The following ADGRD2 variants were observed in gnomAD, a reference collection of about 807,000 sequenced individuals.
The protein encoded by ADGRD2 is G protein-coupled receptor PGR24.
In ADGRD2, 71 loss-of-function variants were observed where a neutral mutation model predicts 44.4. The ratio of observed to expected loss-of-function variants is 1.60; its 90% CI spans 1.32 to 1.95. The LOEUF (loss-of-function observed/expected upper bound fraction) is 1.95. Among genes scored for constraint, ADGRD2 ranks in the 30% most tolerant of loss-of-function variants. ADGRD2 has a pLI of 0.00. For synonymous variants in ADGRD2, 481 were observed against 224.8 expected, an observed-to-expected ratio of 2.14 and a Z score of -10.19; for missense variants, 1,039 against 512.4, an observed-to-expected ratio of 2.03 and a Z score of -9.92.
chr9:124,477,694 C>T (rs1047874757), intron 21 of ADGRD2, among the ~76,000 whole-genome samples: 1 of 152,186 alleles, frequency 6.6e-6, no homozygotes, highest in Non-Finnish European at 1.5e-5. Context: ...CCCCCATCCC[C>T]GGCTGGCATC....
At chr9:124,476,273 C>T in intron 19 of ADGRD2, 84 bp from the exon 23 acceptor site, 1 of 634,098 alleles carries the variant, frequency 1.6e-6, no homozygotes, top group Non-Finnish European at 2.9e-6. Context: ...CGTATTTGAT[C>T]CTGAGGGCCC....
chr9:124,452,444 G>C (rs1443545471), intron 1 of ADGRD2, 66 bp from the exon 5 acceptor site: 1 of 715,758 alleles, frequency 1.4e-6, no homozygotes, highest in African/African-American at 1.7e-5. Context: ...CCTTGGCTCC[G>C]CCCAGCCCTG....
At chr9:124,467,955 T>C in intron 12 of ADGRD2, 131 bp downstream of exon 15, 1 of 700,526 alleles carries the variant, frequency 1.4e-6, no homozygotes, top group South Asian at 1.6e-5. Flanking sequence ...CCTTAGGATG[T>C]GCTGGGTCCC....
intron 3 of ADGRD2, 28 bp from the exon 7 acceptor site, chr9:124,453,971 G>C (rs961982747): frequency 1.4e-5 from 9 of 644,694 alleles, no homozygotes; most frequent in Non-Finnish European, 2.5e-5. Flanking sequence ...CCCCTAGGGA[G>C]CCCTGACAGC....
At position 124,477,140 on chromosome 9, in the gene ADGRD2, A is replaced by G. The variant is rs1263134281; in HGVS notation, c.*18+431A>G. On this transcript the variant is annotated intron_variant, in intron 21 of 21. Coordinates refer to ENST00000334810, the Ensembl canonical transcript of ADGRD2. ...GAGCCTTCCAAACCCGCTGAGGGAG[A>G]AGTGCTTTCCTCCAAGGCTGCGGGT... 3 of 456,212 alleles carry G rather than the reference A, an allele frequency of 6.6e-6. No individual in the cohort carries two copies. The East Asian group carries it at 2.0e-4, about 31-fold the overall frequency. The allele number at this position is 456,212 out of a possible 1,614,324, so 28.3% of individuals were successfully genotyped here.
At chr9:124,453,210 C>T (rs564805827) in exon 3 of ADGRD2, 18 of 641,388 alleles carry the variant, frequency 2.8e-5, no homozygotes, top group Middle Eastern at 3.6e-4. Flanking sequence ...CGCTGCCCAA[C>T]GCGCTGCAGC....
intron 20 of ADGRD2, 23 bp downstream of exon 23, chr9:124,476,438 C>T (rs1229722734): frequency 1.0e-5 from 7 of 698,972 alleles, no homozygotes; most frequent in Non-Finnish European, 1.6e-5. Context: ...CAGGGTGGGC[C>T]GCACAGGGCT....
exon 2 of ADGRD2, chr9:124,452,715 A>G: frequency 2.8e-6 from 2 of 712,728 alleles, no homozygotes; most frequent in South Asian, 1.5e-5. Flanking sequence ...GGAGACCCCC[A>G]CAGAGGCGTG....
upstream of ADGRD2, chr9:124,451,366 A>G (rs1588597479): frequency 1.0e-5 from 4 of 394,012 alleles, no homozygotes; most frequent in African/African-American, 6.2e-5. Context: ...CCCCTCTCCC[A>G]GCTCTCCAGG....
chr9:124,457,591 C>A, exon 8 of ADGRD2: 3 of 660,650 alleles, frequency 4.5e-6, no homozygotes, highest in South Asian at 1.7e-5. Context: ...TGAAGTGAGG[C>A]GACTCCTCAG....
rs528653430 is a variant in ADGRD2 at position 124,452,705 on chromosome 9, G to T, written c.266G>T (p.Arg89Leu). Reference sequence around the variant, plus strand: ...GTGGGCCAAAGAGAGGCCCCTCTGCGGAGACCCCCACAGAGGCGTGAGTGT... The same window carrying T: ...GTGGGCCAAAGAGAGGCCCCTCTGCTGAGACCCCCACAGAGGCGTGAGTGT... The change falls in exon 2 of 22, where the codon CGG becomes CTG. Residue 89 changes from arginine to leucine, a missense_variant. Physicochemically the swap from Arg to Leu is moderately radical, Grantham distance 102. Transcript: ENST00000334810. The T allele has an allele frequency of 1.6e-4, 113 of 714,820 alleles. No homozygotes were observed. In the South Asian group the frequency reaches 1.7e-3, roughly 10 times the overall value. 44.3% of individuals were successfully genotyped at this position (714,820 alleles called of 1,614,324 possible).
intron 6 of ADGRD2, 64 bp downstream of exon 9, chr9:124,455,191 G>A: frequency 1.6e-6 from 1 of 617,358 alleles, no homozygotes; most frequent in East Asian, 2.8e-5. Context: ...GCCACCAGCT[G>A]GTTGTGTAGC....
At chr9:124,468,634 C>G (rs761728780) in exon 14 of ADGRD2, 3 of 718,028 alleles carry the variant, frequency 4.2e-6, no homozygotes, top group Non-Finnish European at 7.8e-6. Flanking sequence ...AGCATGCACC[C>G]GGGCCCAGGC....
At chr9:124,467,673 G>A (rs774026197) in intron 11 of ADGRD2, 48 bp from the exon 15 acceptor site, 7 of 715,532 alleles carry the variant, frequency 9.8e-6, no homozygotes, top group Admixed American at 2.0e-5. Flanking sequence ...TTCTGGCCTG[G>A]GTTGGGTCTG....
intron 17 of ADGRD2, among the ~76,000 whole-genome samples, chr9:124,472,023 C>T (rs1427056724): frequency 1.3e-5 from 2 of 152,196 alleles, no homozygotes; most frequent in African/African-American, 2.4e-5. Context: ...GTTGCCATGG[C>T]GATTCCTCCA....
chr9:124,474,742 C>G (rs1023223836), intron 17 of ADGRD2, among the ~76,000 whole-genome samples: 1 of 152,174 alleles, frequency 6.6e-6, no homozygotes, highest in Non-Finnish European at 1.5e-5. Context: ...TTCCTCTGCC[C>G]CCCACCCACA....
rs547545164 is a variant in ADGRD2 at position 124,468,777 on chromosome 9, C to T, written c.2387+105C>T. 7.2e-5 allele frequency: 45 copies of T among 623,710 alleles called. 2 individuals carry two copies. In the Admixed American group the frequency reaches 8.4e-4, roughly 12 times the overall value. The allele number at this position is 623,710 out of a possible 1,614,324, so 38.6% of individuals were successfully genotyped here. On this transcript the variant is annotated intron_variant, in intron 14 of 21. Transcript: ENST00000334810. ...ACACCCAGCACTCAGCACCCAGCAC[C>T]ACTCAGCATCCGGCATTTAGCGTCA...
chr9:124,461,393 A>T (rs1831719748), intron 10 of ADGRD2, among the ~76,000 whole-genome samples: 1 of 152,272 alleles, frequency 6.6e-6, no homozygotes, highest in Non-Finnish European at 1.5e-5. Flanking sequence ...AGATATTCTC[A>T]AAGAAGTTTA....
intron 17 of ADGRD2, among the ~76,000 whole-genome samples, chr9:124,473,676 G>A (rs908489484): frequency 6.6e-6 from 1 of 152,248 alleles, no homozygotes; most frequent in Admixed American, 6.5e-5. Context: ...GCCTGAGGGA[G>A]AGACAGACAT....
Sources: allele counts gnomAD v4.1 joint callset (sites outside exome capture counted in the v4.1 genomes callset), GRCh38; gene constraint gnomAD v4.1.1; transcripts MANE v1.5; gene names NCBI Gene and HGNC (gene_info 2026-07-23, HGNC 2026-07-21).